The following COG6 variants were observed in gnomAD, a reference collection of about 807,000 sequenced individuals.
COG6 encodes component of oligomeric golgi complex 6.
COG6 carries 74 observed loss-of-function variants against 88.8 expected under a neutral mutation model. The observed-to-expected ratio is 0.83, with a 90% CI of 0.69 to 1.01. The LOEUF (loss-of-function observed/expected upper bound fraction) is 1.01. Ranked by LOEUF, COG6 falls within the 50% of genes least tolerant of loss-of-function variation. The pLI is 0.00. For synonymous variants in COG6, 286 were observed against 278.7 expected, an observed-to-expected ratio of 1.03 and a Z score of -0.26; for missense variants, 800 against 797.9, an observed-to-expected ratio of 1.00 and a Z score of -0.03.
chr13:39,743,631 A>C (rs1056360288), intron 18 of COG6, among the ~76,000 whole-genome samples: 2 of 152,158 alleles, frequency 1.3e-5, no homozygotes, highest in Non-Finnish European at 2.9e-5. Flanking sequence ...CAACCAAAAA[A>C]AAGTCCAGGA....
chr13:39,774,222 T>C (rs1456386061), intron 18 of COG6, among the ~76,000 whole-genome samples: 1 of 152,250 alleles, frequency 6.6e-6, no homozygotes, highest in Non-Finnish European at 1.5e-5. Flanking sequence ...CATATCATTT[T>C]AAAACTTTAT....
intron 8 of COG6, among the ~76,000 whole-genome samples, chr13:39,684,124 C>T (rs1419805781): frequency 6.6e-6 from 1 of 151,282 alleles, no homozygotes; most frequent in East Asian, 1.9e-4. Context: ...TATCTGAGGG[C>T]TACATGGCAA....
intron 13 of COG6, among the ~76,000 whole-genome samples, chr13:39,704,769 C>T (rs1259972260): frequency 6.6e-6 from 1 of 152,116 alleles, no homozygotes; most frequent in Admixed American, 6.6e-5. Flanking sequence ...TTATTAATTA[C>T]CAATCAATAT....
chr13:39,781,776 T>C (rs9532434), intron 18 of COG6, among the ~76,000 whole-genome samples: 94,673 of 151,920 alleles, frequency 0.62, 30,207 homozygotes, highest in East Asian at 0.77. Context: ...CCCAAGTCCC[T>C]CCATGGTGCC....
chr13:39,767,330 G>A (rs1184339120), intron 18 of COG6, among the ~76,000 whole-genome samples: 1 of 152,230 alleles, frequency 6.6e-6, no homozygotes, highest in Admixed American at 6.5e-5. Flanking sequence ...ACTCATGTTA[G>A]GAAATTGAGA....
intron 18 of COG6, among the ~76,000 whole-genome samples, chr13:39,770,061 C>G (rs565605012): frequency 6.6e-6 from 1 of 152,362 alleles, no homozygotes; most frequent in Non-Finnish European, 1.5e-5. Context: ...GTACCACACA[C>G]AATTTAAATC....
At chr13:39,692,075 A>T (rs1178853501) in intron 11 of COG6, among the ~76,000 whole-genome samples, 1 of 152,132 alleles carries the variant, frequency 6.6e-6, no homozygotes, top group South Asian at 2.1e-4. Flanking sequence ...AAAGTGAAAC[A>T]TCATAGGTAG....
chr13:39,784,154 A>G (rs1881708149), intron 18 of COG6, among the ~76,000 whole-genome samples: 1 of 152,182 alleles, frequency 6.6e-6, no homozygotes, highest in Non-Finnish European at 1.5e-5. Context: ...AGCTGTCATC[A>G]CCTTCATTGA....
chr13:39,735,601 T>C (rs1879695610), intron 18 of COG6, among the ~76,000 whole-genome samples: 1 of 152,190 alleles, frequency 6.6e-6, no homozygotes, highest in Non-Finnish European at 1.5e-5. Flanking sequence ...CCAGTGTGTT[T>C]AGTTCCTTCA....
chr13:39,763,287 C>G (rs1162725580), intron 18 of COG6, among the ~76,000 whole-genome samples: 4 of 151,718 alleles, frequency 2.6e-5, no homozygotes, highest in African/African-American at 9.7e-5. Context: ...AGCACACAAT[C>G]TATATAATTA....
chr13:39,699,762 A>G, intron 13 of COG6, 144 bp downstream of exon 13: 1 of 627,072 alleles, frequency 1.6e-6, no homozygotes, highest in South Asian at 1.9e-5. Flanking sequence ...TTTCATTTTG[A>G]GATGGCTTAC....
At chr13:39,766,524 T>TACCCCATCCCATACTCCCTCCTA (rs1228829514) in intron 18 of COG6, among the ~76,000 whole-genome samples, 13 of 152,238 alleles carry the variant, frequency 8.5e-5, no homozygotes, top group Non-Finnish European at 1.3e-4. Flanking sequence ...TTCCCCATCC[T>TACCCCATCCCATACTCCCTCCTA]ACCCCATCCC....
chr13:39,772,485 G>A (rs1466039891), intron 18 of COG6, among the ~76,000 whole-genome samples: 1 of 152,186 alleles, frequency 6.6e-6, no homozygotes, highest in Non-Finnish European at 1.5e-5. Context: ...TGAGGGTTGA[G>A]GGCTGGATCT....
intron 18 of COG6, among the ~76,000 whole-genome samples, chr13:39,737,252 G>A (rs1879811719): frequency 6.6e-6 from 1 of 152,100 alleles, no homozygotes; most frequent in South Asian, 2.1e-4. Flanking sequence ...CACTGGTACT[G>A]CGCTGGGTGA....
At chr13:39,791,064 C>T (rs1881923994) in exon 19 of COG6, 1 of 152,030 alleles carries the variant, frequency 6.6e-6, no homozygotes, top group Non-Finnish European at 1.5e-5. Context: ...TTACAAAAGC[C>T]TTGCTTTCTT....
intron 5 of COG6, among the ~76,000 whole-genome samples, chr13:39,678,970 C>T (rs1430746836): frequency 1.3e-5 from 2 of 152,018 alleles, no homozygotes; most frequent in Non-Finnish European, 2.9e-5. Context: ...AAAAATAACA[C>T]ATCCGTTATT....
intron 13 of COG6, among the ~76,000 whole-genome samples, chr13:39,716,698 G>C (rs987310129): frequency 1.3e-5 from 2 of 151,944 alleles, no homozygotes; most frequent in Non-Finnish European, 2.9e-5. Flanking sequence ...GGTGCCCTGG[G>C]AATTACAATT....
At chr13:39,731,116 C>T (rs758530737) in intron 18 of COG6, among the ~76,000 whole-genome samples, 16 of 152,090 alleles carry the variant, frequency 1.1e-4, no homozygotes, top group South Asian at 6.2e-4. Context: ...ATAGCACTCC[C>T]GGCCTAAAGC....
chr13:39,727,430 A>G (rs771908972), intron 17 of COG6, 39 bp from the exon 18 acceptor site: 1 of 1,440,352 alleles, frequency 6.9e-7, no homozygotes. Context: ...GTTAGCACAT[A>G]TATGTACTTT....
Sources: gnomAD v4.1 joint callset for allele counts (sites outside exome capture counted in the v4.1 genomes callset) on GRCh38, gnomAD v4.1.1 for gene constraint, MANE v1.5 for transcripts, NCBI Gene and HGNC (gene_info 2026-07-23, HGNC 2026-07-21) for gene names.